AVEN: variants seen among roughly 807,000 people sequenced by gnomAD.
AVEN encodes apoptosis and caspase activation inhibitor, also known as cell death regulator Aven.
In AVEN, 41 loss-of-function variants were observed where a neutral mutation model predicts 38.1. That is an observed-to-expected ratio of 1.08 (90% CI 0.84 to 1.40). The LOEUF (loss-of-function observed/expected upper bound fraction) is 1.40. Ranked by LOEUF, AVEN falls within the 40% of genes most tolerant of loss-of-function variation. The probability of loss-of-function intolerance (pLI) is 0.00; values close to 1 mark genes in which losing one functional copy is unlikely to be tolerated. For missense variants in AVEN, 605 were observed against 438.8 expected (o/e 1.38, Z -3.38); for synonymous variants, 206 against 171.8 (o/e 1.20, Z -1.56).
At chr15:34,055,075 C>G (rs1240449112) in intron 5 of AVEN, among the ~76,000 whole-genome samples, 3 of 151,716 alleles carry the variant, frequency 2.0e-5, no homozygotes, top group Non-Finnish European at 1.5e-5. Context: ...GCCTGTAATC[C>G]CAGCTACTCA....
At chr15:33,934,746 A>T (rs1893995728) in intron 2 of AVEN, among the ~76,000 whole-genome samples, 1 of 152,180 alleles carries the variant, frequency 6.6e-6, no homozygotes, top group Non-Finnish European at 1.5e-5. Flanking sequence ...CTCAGAATGG[A>T]AGTAACTTAG....
intron 2 of AVEN, among the ~76,000 whole-genome samples, chr15:33,886,951 A>G (rs1231179480): frequency 6.6e-6 from 1 of 152,188 alleles, no homozygotes; most frequent in Non-Finnish European, 1.5e-5. Context: ...AGGCAGCGAG[A>G]TGGAAAAATA....
intron 2 of AVEN, among the ~76,000 whole-genome samples, chr15:33,957,645 T>G (rs1410865620): frequency 6.6e-6 from 1 of 151,482 alleles, no homozygotes; most frequent in Non-Finnish European, 1.5e-5. Context: ...AGTCACATGA[T>G]GGAATGCTAG....
chr15:33,883,478 T>C (rs1403822181), intron 2 of AVEN, among the ~76,000 whole-genome samples: 1 of 152,148 alleles, frequency 6.6e-6, no homozygotes, highest in Admixed American at 6.5e-5. Flanking sequence ...GGCACTCCAT[T>C]TGGTAGGTCT....
intron 2 of AVEN, among the ~76,000 whole-genome samples, chr15:33,983,745 G>A (rs1424725122): frequency 6.6e-6 from 1 of 152,092 alleles, no homozygotes; most frequent in African/African-American, 2.4e-5. Flanking sequence ...GGGAAAAACA[G>A]GGAGTTTACA....
At chr15:33,969,898 T>C (rs756936074) in intron 2 of AVEN, among the ~76,000 whole-genome samples, 1 of 152,038 alleles carries the variant, frequency 6.6e-6, no homozygotes, top group Non-Finnish European at 1.5e-5. Context: ...ACAGTGCCTT[T>C]AAGAAATTCC....
downstream of AVEN, chr15:33,864,167 A>G (rs1889563032): frequency 1.2e-6 from 2 of 1,612,220 alleles, no homozygotes; most frequent in Non-Finnish European, 1.7e-6. Flanking sequence ...ATTAATAAAG[A>G]TGAAACAGAG....
intron 2 of AVEN, among the ~76,000 whole-genome samples, chr15:33,982,813 TG>T (rs1896213875): frequency 3.3e-5 from 5 of 149,916 alleles, no homozygotes; most frequent in African/African-American, 1.2e-4. Context: ...TCTCTCTCTC[TG>T]GACCAGCCCA....
At position 33,866,706 on chromosome 15, in the gene AVEN, A is replaced by T. The variant is rs773287681; in HGVS notation, c.996T>A (p.Thr332=). Reference sequence around the variant, plus strand: ...GCTCAGGTTCCATGTTTTTTTCTTCAGTCACAGATGGTTTTGCACAAACTG... The same window carrying T: ...GCTCAGGTTCCATGTTTTTTTCTTCTGTCACAGATGGTTTTGCACAAACTG... ...EEEVCAKPSV[T]EEKNMEPEQP... The change falls in exon 6 of 6, where the codon ACT becomes ACA. Residue 332 remains threonine (T), a synonymous_variant. Coordinates refer to ENST00000306730, the MANE Select transcript of AVEN (RefSeq NM_020371.3). The T allele has an allele frequency of 1.9e-5, 30 of 1,613,760 alleles. No homozygotes were observed. The East Asian group carries it at 6.7e-4, about 36-fold the overall frequency.
intron 2 of AVEN, among the ~76,000 whole-genome samples, chr15:33,948,289 G>C (rs1463100569): frequency 1.3e-5 from 2 of 151,466 alleles, no homozygotes; most frequent in South Asian, 4.2e-4. Flanking sequence ...TAGAGACGGG[G>C]TTTCACTATC....
chr15:33,886,928 C>G (rs989254470), intron 2 of AVEN, among the ~76,000 whole-genome samples: 2 of 152,120 alleles, frequency 1.3e-5, no homozygotes, highest in Non-Finnish European at 2.9e-5. Context: ...TCCTGCTATC[C>G]CATCAAAATT....
intron 2 of AVEN, among the ~76,000 whole-genome samples, chr15:33,987,458 C>T (rs1486833963): frequency 6.6e-6 from 1 of 152,186 alleles, no homozygotes. Flanking sequence ...ATGGAATAAA[C>T]CCACAGACTC....
chr15:33,858,058 A>G (rs1279757116), downstream of AVEN: 16 of 1,081,816 alleles, frequency 1.5e-5, no homozygotes, highest in African/African-American at 3.2e-5. Context: ...AAAGTAGAAG[A>G]CAGATGTCTT....
chr15:33,954,198 T>C (rs1446375494), intron 2 of AVEN, among the ~76,000 whole-genome samples: 3 of 152,218 alleles, frequency 2.0e-5, no homozygotes, highest in Non-Finnish European at 4.4e-5. Context: ...TTTTACACTG[T>C]TGGCAGGAGT....
chr15:33,922,686 C>G (rs566325000), intron 2 of AVEN, among the ~76,000 whole-genome samples: 18 of 152,286 alleles, frequency 1.2e-4, no homozygotes, highest in African/African-American at 4.1e-4. Context: ...ACCTCAGCCT[C>G]CTCTAATCAC....
Position 33,859,453 on chromosome 15 carries a change from A to G in AVEN, n.2730-359T>C, listed in dbSNP as rs1419041718. ...GCAGCATGAATACTGGCACCTCTGAAGAGTTCCCCTCTCGTGGCTTAGGGC... is the reference window on the plus strand; with the variant it reads ...GCAGCATGAATACTGGCACCTCTGAGGAGTTCCCCTCTCGTGGCTTAGGGC... On this transcript the variant is annotated intron_variant and non_coding_transcript_variant, in intron 11 of 11. Transcript: ENST00000675287. 8 of 1,009,096 alleles carry G rather than the reference A, an allele frequency of 7.9e-6. No homozygotes were observed. The African/African-American group carries it at 9.5e-5, about 12-fold the overall frequency. The allele number at this position is 1,009,096 out of a possible 1,614,324, so 62.5% of individuals were successfully genotyped here.
intron 1 of AVEN, among the ~76,000 whole-genome samples, chr15:34,028,667 A>C (rs1030412612): frequency 5.3e-5 from 8 of 152,222 alleles, no homozygotes; most frequent in African/African-American, 1.9e-4. Context: ...TGTTCATCTA[A>C]TGTCAGTCCT....
At chr15:34,031,026 A>T (rs973102340) in intron 1 of AVEN, among the ~76,000 whole-genome samples, 1 of 152,244 alleles carries the variant, frequency 6.6e-6, no homozygotes, top group Non-Finnish European at 1.5e-5. Flanking sequence ...ATATACATCT[A>T]TTAACAAACT....
chr15:34,070,991 C>T (rs904702279), intron 1 of AVEN, among the ~76,000 whole-genome samples: 1 of 152,108 alleles, frequency 6.6e-6, no homozygotes, highest in African/African-American at 2.4e-5. Flanking sequence ...TAGTGTGCTT[C>T]GTGTCAATGC....
Sources: allele counts gnomAD v4.1 joint callset (sites outside exome capture counted in the v4.1 genomes callset), GRCh38; gene constraint gnomAD v4.1.1; transcripts MANE v1.5; gene names NCBI Gene and HGNC (gene_info 2026-07-23, HGNC 2026-07-21).